Variants in CYLC1 observed in about 807,000 individuals in gnomAD.
CYLC1 encodes cylicin 1.
CYLC1 carries 2 observed loss-of-function variants against 31.6 expected under a neutral mutation model. The observed-to-expected ratio is 0.06, with a 90% CI of 0.03 to 0.20. The LOEUF (loss-of-function observed/expected upper bound fraction) is 0.20. Among genes scored for constraint, CYLC1 ranks in the 10% least tolerant of loss-of-function variants. The pLI, the probability that CYLC1 is intolerant of heterozygous loss-of-function variation, is 1.00. For synonymous variants in CYLC1, 185 were observed against 153.0 expected (o/e 1.21, Z -1.54); for missense variants, 595 against 424.1 (o/e 1.40, Z -3.54).
intron 1 of CYLC1, among the ~76,000 whole-genome samples, chrX:83,865,247 C>A (rs761041332): frequency 9.0e-6 from 1 of 110,903 alleles, no homozygotes; most frequent in South Asian, 3.8e-4. Flanking sequence ...GTTGTTTAAG[C>A]AAACATAAAC....
intron 3 of CYLC1, among the ~76,000 whole-genome samples, chrX:83,872,672 A>G (rs1427082414): frequency 9.4e-6 from 1 of 106,765 alleles, no homozygotes. Context: ...CACTAAAGTC[A>G]TTTTATTTCC....
intron 4 of CYLC1, among the ~76,000 whole-genome samples, chrX:83,878,065 AAT>A (rs1312500728): frequency 3.3e-5 from 2 of 61,230 alleles, no homozygotes; most frequent in African/African-American, 1.3e-4. Context: ...TTTGTATATA[AAT>A]ATATATATAA....
At chrX:83,863,206 G>A (rs1477427757) in intron 1 of CYLC1, among the ~76,000 whole-genome samples, 1 of 111,163 alleles carries the variant, frequency 9.0e-6, no homozygotes, top group African/African-American at 3.3e-5. Context: ...CAGTTATTTT[G>A]TCTTACATCC....
intron 1 of CYLC1, among the ~76,000 whole-genome samples, chrX:83,864,365 G>A (rs1331777687): frequency 9.1e-6 from 1 of 109,750 alleles, no homozygotes; most frequent in Admixed American, 9.8e-5. Flanking sequence ...TGTAGATTTT[G>A]TCCCATCAGT....
At chrX:83,862,254 G>A (rs1303253975) in intron 1 of CYLC1, among the ~76,000 whole-genome samples, 1 of 110,539 alleles carries the variant, frequency 9.0e-6, no homozygotes, top group Non-Finnish European at 1.9e-5. Context: ...AGAGTGGGCC[G>A]GGCACTGTGG....
chrX:83,876,761 TA>T (rs978573340), intron 4 of CYLC1, among the ~76,000 whole-genome samples: 2 of 111,351 alleles, frequency 1.8e-5, no homozygotes, highest in African/African-American at 6.5e-5. Flanking sequence ...CTCCTGTTTT[TA>T]TTTCTACATA....
At chrX:83,869,683 G>C (rs776324275) in intron 1 of CYLC1, among the ~76,000 whole-genome samples, 182 bp from the exon 2 acceptor site, 8 of 111,055 alleles carry the variant, frequency 7.2e-5, no homozygotes, top group Non-Finnish European at 1.3e-4. Flanking sequence ...ATTTTTTGAA[G>C]TGTTGCAATT....
intron 4 of CYLC1, among the ~76,000 whole-genome samples, chrX:83,883,611 C>A (rs914987736): frequency 4.5e-5 from 5 of 111,711 alleles, no homozygotes; most frequent in African/African-American, 1.6e-4. Context: ...AACCAAGAAG[C>A]TTTACATTCT....
Position 83,873,474 on chromosome X carries a change from G to C in CYLC1, c.766G>C (p.Asp256His). ...DFLMLVGQSD[D>H]ESINFDAWLR... ...CCTCATGTTAGTGGGACAGTCTGAT[G>C]ATGAATCCATAAATTTTGATGCATG... Residue 256 changes from aspartate to histidine, a missense_variant, in exon 4 of 5, where the codon GAT becomes CAT. Physicochemically the swap from Asp to His is moderately conservative, Grantham distance 81. Transcript: ENST00000329312. The C allele has an allele frequency of 8.4e-7, 1 of 1,195,027 alleles. No individual in the cohort carries two copies.
chrX:83,862,412 A>G (rs989035399), intron 1 of CYLC1, among the ~76,000 whole-genome samples: 44 of 107,729 alleles, frequency 4.1e-4, no homozygotes, highest in Admixed American at 2.1e-3. Context: ...GCGTGGTGGC[A>G]GGCGCCTGTA....
intron 3 of CYLC1, among the ~76,000 whole-genome samples, chrX:83,872,036 C>A (rs1261760640): frequency 9.0e-6 from 1 of 110,930 alleles, no homozygotes; most frequent in African/African-American, 3.3e-5. Context: ...TGATATCAAA[C>A]AATTTTTAAA....
At chrX:83,880,988 C>T (rs1380545283) in intron 4 of CYLC1, among the ~76,000 whole-genome samples, 1 of 111,461 alleles carries the variant, frequency 9.0e-6, no homozygotes, top group Non-Finnish European at 1.9e-5. Flanking sequence ...ACATTATGCT[C>T]AATACTGGGC....
rs1165194100 is a variant in CYLC1, at chrX:83,874,158, A to G, written c.1450A>G (p.Thr484Ala). ...GGATGCAAAGAAAAATGCAGAATCTACTGAAATGGAATCTGATTTGGAGTT... is the reference window on the plus strand; with the variant it reads ...GGATGCAAAGAAAAATGCAGAATCTGCTGAAATGGAATCTGATTTGGAGTT... ...KKDAKKNAES[T>A]EMESDLELKK... Residue 484 changes from threonine to alanine, a missense_variant, in exon 4 of 5, where the codon ACT becomes GCT. Coordinates refer to ENST00000329312, the MANE Select transcript of CYLC1 (RefSeq NM_021118.3). 8.3e-7 allele frequency: 1 copy of G among 1,201,369 alleles called. No homozygotes were observed. Among genetic ancestry groups the G allele is most frequent in the African/African-American group, 1.8e-5 (1 of 56,417 alleles).
In CYLC1 at chrX:83,885,542, A is replaced by G. The variant is rs1217444259; in HGVS notation, c.1924-1010A>G. The stretch of plus-strand genomic sequence containing the variant: ...TATAATTTTTATATGTGTTGTATAT[A>G]TAAGATATATCTTACAACTGTTGAA... On this transcript the variant is annotated intron_variant, in intron 4 of 4. Transcript: ENST00000329312. Among the ~76,000 whole-genome samples, 5 of 109,352 alleles carry G rather than the reference A, an allele frequency of 4.6e-5. No individual in the cohort carries two copies. In the East Asian group the frequency reaches 1.4e-3, roughly 31 times the overall value. The allele number at this position is 109,352 out of a possible 115,157, so 95.0% of individuals were successfully genotyped here.
chrX:83,877,680 A>C (rs1824869576), intron 4 of CYLC1, among the ~76,000 whole-genome samples: 1 of 105,682 alleles, frequency 9.5e-6, no homozygotes, highest in Non-Finnish European at 1.9e-5. Context: ...TCTTTAGAGA[A>C]GCCTTCCCTG....
intron 2 of CYLC1, among the ~76,000 whole-genome samples, chrX:83,870,634 A>G (rs1470311977): frequency 8.9e-6 from 1 of 111,752 alleles, no homozygotes; most frequent in Non-Finnish European, 1.9e-5. Context: ...ACAGTCTGGC[A>G]CATAGTAAAC....
chrX:83,880,010 C>T (rs991156539), intron 4 of CYLC1, among the ~76,000 whole-genome samples: 8 of 111,302 alleles, frequency 7.2e-5, no homozygotes, highest in African/African-American at 2.6e-4. Flanking sequence ...TTTGTCGTGC[C>T]ATACGTTTGA....
At chrX:83,879,012 A>T (rs1357398673) in intron 4 of CYLC1, among the ~76,000 whole-genome samples, 6 of 109,644 alleles carry the variant, frequency 5.5e-5, no homozygotes, top group Admixed American at 5.0e-4. Context: ...CTGGATTAAG[A>T]TTATTTACAT....
chrX:83,861,507 AG>A (rs1160101358), intron 1 of CYLC1, among the ~76,000 whole-genome samples: 1 of 111,863 alleles, frequency 8.9e-6, no homozygotes, highest in Non-Finnish European at 1.9e-5. Flanking sequence ...CTTATGTGAA[AG>A]CACTTTAAAA....
Sources: gnomAD v4.1 joint callset for allele counts (sites outside exome capture counted in the v4.1 genomes callset) on GRCh38, gnomAD v4.1.1 for gene constraint, MANE v1.5 for transcripts, NCBI Gene and HGNC (gene_info 2026-07-23, HGNC 2026-07-21) for gene names.